Variants in ASTN1 observed in about 807,000 individuals in gnomAD.
ASTN1 encodes astrotactin 1.
Under a neutral mutation model 140.7 loss-of-function variants are expected in ASTN1, and 41 were observed. The observed-to-expected ratio is 0.29, with a 90% CI of 0.23 to 0.38. The LOEUF (loss-of-function observed/expected upper bound fraction) is 0.38. Among genes scored for constraint, ASTN1 ranks in the 10% least tolerant of loss-of-function variants. ASTN1 has a pLI of 1.00. For missense variants in ASTN1, 1,479 were observed against 1,678.8 expected (o/e 0.88, Z 2.08); for synonymous variants, 640 against 652.2 (o/e 0.98, Z 0.29).
rs139319395 is a variant in ASTN1 at position 177,014,958 on chromosome 1, T to C, written c.1439-83A>G. On this transcript the variant is annotated intron_variant, in intron 7 of 22. Transcript: ENST00000361833. ...TGTGTTTGTAAAAATTAACATGAAA[T>C]AGTCAGGGTAAACTCTTACTCTGAT... 7.8e-4 allele frequency: 992 copies of C among 1,278,640 alleles called. 5 individuals are homozygous for C. The African/African-American group carries it at 9.4e-3, about 12-fold the overall frequency. 79.2% of individuals were successfully genotyped at this position (1,278,640 alleles called of 1,614,324 possible). A position where few individuals can be genotyped will look rare whatever the true frequency, so the allele number is the denominator to read the frequency against.
In ASTN1 at chr1:176,934,326, G is replaced by A. The variant is rs775788583; in HGVS notation, c.2497C>T (p.Leu833Phe). The change falls in exon 16 of 23, where the codon CTC (leucine) becomes TTC (phenylalanine). Residue 833 changes from leucine to phenylalanine, a missense_variant. Leu to Phe is a conservative substitution (Grantham distance 22, BLOSUM62 0). Transcript: ENST00000361833. ...GATGTAGCCCCATCCAGCGAGTGGA[G>A]AGCATTGCTGAGGGCTATGGAGAGG... is the stretch of plus-strand genomic sequence containing the variant. ...VAISQALSNALHSLDGATSRA... is the reference protein window; with the variant it reads ...VAISQALSNAFHSLDGATSRA... 12 of 1,611,958 alleles carry A rather than the reference G, an allele frequency of 7.4e-6. No individual in the cohort carries two copies. Among genetic ancestry groups the A allele is most frequent in the Non-Finnish European group, 1.0e-5 (12 of 1,178,414 alleles).
intron 1 of ASTN1, among the ~76,000 whole-genome samples, chr1:177,074,917 G>T (rs1678814231): frequency 6.6e-6 from 1 of 152,034 alleles, no homozygotes; most frequent in Admixed American, 6.6e-5. Context: ...TTTTGCCTCT[G>T]CAGTAATAAA....
chr1:177,016,313 T>TG (rs144668419), intron 7 of ASTN1, among the ~76,000 whole-genome samples: 4 of 127,120 alleles, frequency 3.1e-5, no homozygotes, highest in South Asian at 2.6e-4. Context: ...TCTTCATTTG[T>TG]AAAAAAAAAA....
At chr1:177,112,075 G>A (rs908954594) in intron 1 of ASTN1, among the ~76,000 whole-genome samples, 20 of 152,246 alleles carry the variant, frequency 1.3e-4, no homozygotes, top group South Asian at 6.2e-4. Context: ...CCTTATCAGA[G>A]CTGAATGGCA....
intron 1 of ASTN1, among the ~76,000 whole-genome samples, chr1:177,078,787 T>A (rs920879995): frequency 1.3e-5 from 2 of 152,146 alleles, no homozygotes; most frequent in Non-Finnish European, 2.9e-5. Flanking sequence ...ACATTCTTTT[T>A]TATTATCAAA....
At chr1:176,877,082 A>G (rs1264572668) in intron 20 of ASTN1, among the ~76,000 whole-genome samples, 10 of 152,186 alleles carry the variant, frequency 6.6e-5, no homozygotes, top group African/African-American at 2.2e-4. Flanking sequence ...TCAGGGGAAG[A>G]GTTTATATCT....
chr1:176,954,655 A>G (rs879628842), intron 11 of ASTN1, among the ~76,000 whole-genome samples: 1 of 152,226 alleles, frequency 6.6e-6, no homozygotes, highest in Non-Finnish European at 1.5e-5. Flanking sequence ...CTGCTCTTGT[A>G]TATCACCAGT....
intron 1 of ASTN1, among the ~76,000 whole-genome samples, chr1:177,141,933 G>GGTTA (rs374778304): frequency 2.6e-5 from 4 of 152,304 alleles, no homozygotes; most frequent in African/African-American, 9.6e-5. Flanking sequence ...TGGTGTCAGT[G>GGTTA]GTTAGCAAGA....
At chr1:176,953,811 C>A (rs1672293243) in intron 11 of ASTN1, among the ~76,000 whole-genome samples, 1 of 152,102 alleles carries the variant, frequency 6.6e-6, no homozygotes, top group South Asian at 2.1e-4. Context: ...AAGTGGGCAC[C>A]CGATTTCTCC....
chr1:176,990,383 A>G (rs936894426), intron 8 of ASTN1, among the ~76,000 whole-genome samples: 5 of 152,122 alleles, frequency 3.3e-5, no homozygotes, highest in Non-Finnish European at 7.4e-5. Flanking sequence ...TTCATCTTCT[A>G]TTTTGGAAGA....
chr1:176,905,745 T>A (rs1327188506), intron 16 of ASTN1, among the ~76,000 whole-genome samples: 1 of 152,134 alleles, frequency 6.6e-6, no homozygotes, highest in African/African-American at 2.4e-5. Flanking sequence ...TGGATCAGGC[T>A]CTTTTCACCT....
chr1:176,888,103 T>C lies in ASTN1; in HGVS notation c.3042A>G (p.Gly1014=). 2 of 1,612,964 alleles carry C rather than the reference T, an allele frequency of 1.2e-6. No individual in the cohort carries two copies. The highest frequency in any genetic ancestry group is 1.7e-6 in the Non-Finnish European group (2 of 1,179,766). ...RCDSTAFGAD[G]LPTCAPLPQP... ...GTGGGAGAGGCGCACAGGTGGGGAG[T>C]CCATCAGCTCCAAAAGCAGTGGAGT... is the stretch of plus-strand genomic sequence containing the variant. The change falls in exon 18 of 23, where the codon GGA becomes GGG. Residue 1014 remains glycine (G), a synonymous_variant. Coordinates refer to ENST00000361833, the MANE Select transcript of ASTN1 (RefSeq NM_004319.3).
intron 7 of ASTN1, among the ~76,000 whole-genome samples, chr1:177,015,394 G>T (rs1353901942): frequency 6.6e-6 from 1 of 152,220 alleles, no homozygotes; most frequent in Non-Finnish European, 1.5e-5. Context: ...GTTAATGTTT[G>T]AGCCTATGTC....
intron 2 of ASTN1, among the ~76,000 whole-genome samples, chr1:177,051,436 C>A (rs1438017810): frequency 6.6e-6 from 1 of 152,216 alleles, no homozygotes; most frequent in African/African-American, 2.4e-5. Context: ...TACTTGGGCA[C>A]TACATTGGCA....
chr1:177,056,583 AT>A (rs1677818660), intron 2 of ASTN1, among the ~76,000 whole-genome samples: 1 of 126,644 alleles, frequency 7.9e-6, no homozygotes, highest in South Asian at 2.8e-4. Context: ...ATATATATAT[AT>A]ATACACATAT....
At chr1:176,879,934 T>C (rs533151877) in intron 20 of ASTN1, among the ~76,000 whole-genome samples, 2 of 152,258 alleles carry the variant, frequency 1.3e-5, no homozygotes, top group South Asian at 4.1e-4. Context: ...ACTTTACACA[T>C]TTCATGTGGA....
intron 1 of ASTN1, among the ~76,000 whole-genome samples, chr1:177,113,085 C>T (rs1680900195): frequency 6.6e-6 from 1 of 152,192 alleles, no homozygotes; most frequent in Admixed American, 6.5e-5. Context: ...GACTCTCCAG[C>T]CTTCTCTGCA....
In ASTN1 at chr1:177,014,828, G is replaced by C; in HGVS notation, c.1486C>G (p.His496Asp). The C allele has an allele frequency of 1.9e-6, 3 of 1,613,842 alleles. No homozygotes were observed. The highest frequency in any genetic ancestry group is 2.5e-6 in the Non-Finnish European group (3 of 1,179,818). The change falls in exon 8 of 23, where the codon CAC becomes GAC. Residue 496 changes from histidine to aspartate, a missense_variant. Physicochemically the swap from His to Asp is moderately conservative, Grantham distance 81. Transcript: ENST00000361833. ...CCCCATTCGTTCCGAATGCAAAGGT[G>C]CTTATGTACTGGATCCTTCATGTAG... ...EGYMKDPVHK[H>D]LCIRNEWGTN...
intron 8 of ASTN1, among the ~76,000 whole-genome samples, chr1:177,009,882 T>C (rs1056696981): frequency 1.3e-5 from 2 of 152,218 alleles, no homozygotes; most frequent in Non-Finnish European, 2.9e-5. Context: ...ATATTTTATA[T>C]CTCTCTAGTG....
Sources: allele counts gnomAD v4.1 joint callset (sites outside exome capture counted in the v4.1 genomes callset), GRCh38; gene constraint gnomAD v4.1.1; transcripts MANE v1.5; gene names NCBI Gene and HGNC (gene_info 2026-07-23, HGNC 2026-07-21).